The following CRYL1 variants were observed in gnomAD, a reference collection of about 807,000 sequenced individuals.
CRYL1 encodes the protein crystallin lambda 1, also known as lambda-crystallin homolog.
A neutral mutation model predicts 36.6 loss-of-function variants in CRYL1; 29 were observed. The ratio of observed to expected loss-of-function variants is 0.79; its 90% CI spans 0.59 to 1.08. The LOEUF is 1.08. Ranked by LOEUF, CRYL1 falls within the 50% of genes least tolerant of loss-of-function variation. The probability of loss-of-function intolerance (pLI) is 0.00; values close to 1 mark genes in which losing one functional copy is unlikely to be tolerated. For missense variants in CRYL1, 411 were observed against 407.9 expected (o/e 1.01, Z -0.06); for synonymous variants, 152 against 151.5 (o/e 1.00, Z -0.02).
intron 4 of CRYL1, among the ~76,000 whole-genome samples, chr13:20,434,328 ACACCAATCAGCACTCTGTAAAACG>A (rs1442558855): frequency 8.6e-4 from 131 of 152,336 alleles, no homozygotes; most frequent in African/African-American, 3.0e-3. Context: ...ATTGTAAAAT[ACACCAATCAGCACTCTGTAAAACG>A]CACCAATCAG....
At position 20,425,491 on chromosome 13, in the gene CRYL1, G is replaced by C. The variant is rs761936587; in HGVS notation, c.633+6611C>G. Among the ~76,000 whole-genome samples the C allele has an allele frequency of 1.3e-5, 2 of 152,226 alleles. No individual in the cohort carries two copies. The highest frequency in any genetic ancestry group is 2.4e-5 in the African/African-American group (1 of 41,452). On this transcript the variant is annotated intron_variant, in intron 5 of 7. Coordinates refer to ENST00000298248, the MANE Select transcript of CRYL1 (RefSeq NM_015974.3). The surrounding 1 kb of genome is among the most constrained non-coding windows in gnomAD (Gnocchi z 4.4). ...TGCCAGAAAAGGACAGGCCACGCAG[G>C]CAGCTTGCTGAGATGGCTTCCTGCT...
intron 3 of CRYL1, among the ~76,000 whole-genome samples, chr13:20,456,150 G>C (rs1327920133): frequency 1.3e-5 from 2 of 152,078 alleles, no homozygotes; most frequent in Non-Finnish European, 2.9e-5. Flanking sequence ...GAAAATCTGT[G>C]AGGCCTTGGG....
chr13:20,430,925 A>G, intron 5 of CRYL1: 1 of 985,444 alleles, frequency 1.0e-6, no homozygotes, highest in Non-Finnish European at 1.2e-6. Flanking sequence ...TATTCAAGAA[A>G]TTACTAAGAA....
At chr13:20,412,769 G>C (rs892713638) in intron 6 of CRYL1, among the ~76,000 whole-genome samples, 2 of 152,120 alleles carry the variant, frequency 1.3e-5, no homozygotes, top group Non-Finnish European at 2.9e-5. Flanking sequence ...CCAATGTCTG[G>C]TCTGCCCCAC....
rs1442972103 is a variant in CRYL1 at position 20,521,103 on chromosome 13, A to C, written c.41+4651T>G. The stretch of plus-strand genomic sequence containing the variant: ...GGGTGAAAGAGCGAGACTCCGTCTC[A>C]AAAAAAAAAAAAAAAAAAAAAGGAA... On this transcript the variant is annotated intron_variant, in intron 1 of 7. Transcript: ENST00000298248. Among the ~76,000 whole-genome samples the C allele has an allele frequency of 3.4e-3, 61 of 17,804 alleles. 1 individual carries two copies. The highest frequency in any genetic ancestry group is 4.3e-3 in the African/African-American group (59 of 13,662). The allele number at this position is 17,804 out of a possible 152,430, so 11.7% of individuals were successfully genotyped here.
chr13:20,506,503 A>G (rs1257290813), intron 2 of CRYL1, among the ~76,000 whole-genome samples: 1 of 152,154 alleles, frequency 6.6e-6, no homozygotes, highest in Non-Finnish European at 1.5e-5. Context: ...TAAGCATAGT[A>G]GGATAACAGG....
intron 5 of CRYL1, among the ~76,000 whole-genome samples, chr13:20,416,893 C>T (rs1409524497): frequency 3.3e-5 from 5 of 152,198 alleles, no homozygotes; most frequent in Non-Finnish European, 7.3e-5. Flanking sequence ...GTTCTCAGTT[C>T]TGCCTGATTT....
chr13:20,450,716 T>TA (rs965785324), intron 3 of CRYL1, among the ~76,000 whole-genome samples: 49 of 152,288 alleles, frequency 3.2e-4, no homozygotes, highest in African/African-American at 9.9e-4. Flanking sequence ...ACTGGATATA[T>TA]ACCCAAAGGA....
intron 1 of CRYL1, among the ~76,000 whole-genome samples, chr13:20,513,183 C>T (rs1471942362): frequency 6.6e-6 from 1 of 152,174 alleles, no homozygotes; most frequent in Non-Finnish European, 1.5e-5. Flanking sequence ...TATTCATATT[C>T]CACATGGAGC....
At chr13:20,514,840 T>A (rs1024827458) in intron 1 of CRYL1, among the ~76,000 whole-genome samples, 1 of 152,100 alleles carries the variant, frequency 6.6e-6, no homozygotes, top group Non-Finnish European at 1.5e-5. Flanking sequence ...AAATAAAGGT[T>A]TTTTTTAATG....
At chr13:20,459,099 G>A (rs894663080) in intron 3 of CRYL1, among the ~76,000 whole-genome samples, 17 of 151,984 alleles carry the variant, frequency 1.1e-4, no homozygotes, top group Admixed American at 3.3e-4. Context: ...AGCTGGGCGT[G>A]GTGGCGGGTG....
intron 7 of CRYL1, 45 bp downstream of exon 7, chr13:20,404,590 T>G (rs902394914): frequency 2.3e-6 from 3 of 1,304,938 alleles, no homozygotes; most frequent in Non-Finnish European, 2.2e-6. Flanking sequence ...GTGCTCCAGG[T>G]AGCCAACATG....
intron 2 of CRYL1, among the ~76,000 whole-genome samples, chr13:20,508,617 T>TG (rs1282023716): frequency 6.6e-6 from 1 of 151,412 alleles, no homozygotes; most frequent in Non-Finnish European, 1.5e-5. Flanking sequence ...GAGGCCAAGA[T>TG]GGGTGGATCA....
At chr13:20,416,852 T>C (rs535752089) in intron 5 of CRYL1, among the ~76,000 whole-genome samples, 60 of 152,298 alleles carry the variant, frequency 3.9e-4, no homozygotes, top group African/African-American at 1.4e-3. Context: ...CCCCATGACC[T>C]GGGAGGAACC....
intron 3 of CRYL1, among the ~76,000 whole-genome samples, chr13:20,480,731 G>A (rs1043634353): frequency 1.3e-5 from 2 of 152,188 alleles, no homozygotes; most frequent in Non-Finnish European, 2.9e-5. Context: ...TGGATGCTGC[G>A]GGGACCCACA....
rs1341487881 is a variant in CRYL1 at position 20,452,656 on chromosome 13, C to A, written c.277-12902G>T. On this transcript the variant is annotated intron_variant, in intron 3 of 7. Transcript: ENST00000298248. ...CATGTCAATATACATTTGTCAAAACCTATAGGATGCATAATACCAAAAGTG... is the reference window on the plus strand; with the variant it reads ...CATGTCAATATACATTTGTCAAAACATATAGGATGCATAATACCAAAAGTG... 2.0e-5 allele frequency among the ~76,000 whole-genome samples: 3 copies of A among 152,110 alleles called. No homozygotes were observed. The East Asian group carries it at 5.8e-4, about 29-fold the overall frequency.
chr13:20,480,005 C>G (rs2033244018), intron 3 of CRYL1, among the ~76,000 whole-genome samples: 1 of 152,218 alleles, frequency 6.6e-6, no homozygotes, highest in African/African-American at 2.4e-5. Context: ...CCCATCCACT[C>G]CCTAACACCT....
intron 3 of CRYL1, among the ~76,000 whole-genome samples, chr13:20,445,421 A>C (rs925123921): frequency 1.3e-5 from 2 of 152,186 alleles, no homozygotes; most frequent in Non-Finnish European, 2.9e-5. Context: ...TACCAGGAAT[A>C]ATAGTAACAA....
chr13:20,502,326 T>G (rs1241054008), intron 2 of CRYL1: 1 of 152,560 alleles, frequency 6.6e-6, no homozygotes, highest in Non-Finnish European at 1.5e-5. Flanking sequence ...CATCCGGGTC[T>G]CTGCCCTCCC....
Sources: gnomAD v4.1 joint callset for allele counts (sites outside exome capture counted in the v4.1 genomes callset) on GRCh38, gnomAD v4.1.1 for gene constraint, Gnocchi (gnomAD v3.1) non-coding constraint, MANE v1.5 for transcripts, NCBI Gene and HGNC (gene_info 2026-07-23, HGNC 2026-07-21) for gene names.